OVCH1: variants seen among roughly 807,000 people sequenced by gnomAD.
OVCH1 encodes the protein ovochymase-1.
OVCH1 carries 139 observed loss-of-function variants against 138.4 expected under a neutral mutation model. That is an observed-to-expected ratio of 1.00 (90% CI 0.87 to 1.16). The LOEUF (loss-of-function observed/expected upper bound fraction) is 1.16, where lower values mean the gene tolerates loss of function less well. Ranked by LOEUF, OVCH1 falls within the 50% of genes most tolerant of loss-of-function variation. The pLI is 0.00. For missense variants in OVCH1, 1,367 were observed against 1,357.9 expected (o/e 1.01, Z -0.11); for synonymous variants, 453 against 467.8 (o/e 0.97, Z 0.41).
exon 16 of OVCH1, chr12:29,471,836 C>A: frequency 6.2e-7 from 1 of 1,612,566 alleles, no homozygotes; most frequent in Non-Finnish European, 8.5e-7. Context: ...AGAATCCACA[C>A]TGGGTTGATG....
At chr12:29,439,445 C>A in intron 25 of OVCH1, 1 of 1,475,404 alleles carries the variant, frequency 6.8e-7, no homozygotes, top group Non-Finnish European at 9.0e-7. Flanking sequence ...CTAAGATGGT[C>A]TGAGAAAAAC....
chr12:29,444,305 A>G, intron 23 of OVCH1, 25 bp from the exon 24 acceptor site: 4 of 1,606,750 alleles, frequency 2.5e-6, no homozygotes, highest in Non-Finnish European at 3.4e-6. Flanking sequence ...AGCAGAGAAA[A>G]TGAGAATAAA....
At chr12:29,477,431 T>C in exon 11 of OVCH1, 1 of 1,613,976 alleles carries the variant, frequency 6.2e-7, no homozygotes, top group Non-Finnish European at 8.5e-7. Flanking sequence ...ATGGCCTCAC[T>C]GGTCTCTGCC....
chr12:29,426,120 A>G (rs1941176094), downstream of OVCH1: 1 of 152,116 alleles, frequency 6.6e-6, no homozygotes, highest in Non-Finnish European at 1.5e-5. Context: ...TGAATTTGTA[A>G]TCATTTGACA....
intron 27 of OVCH1, among the ~76,000 whole-genome samples, chr12:29,432,500 G>A (rs1761749907): frequency 1.3e-5 from 2 of 152,168 alleles, no homozygotes. Flanking sequence ...TGGAGGAAGA[G>A]CTTGGAGGCA....
intron 22 of OVCH1, among the ~76,000 whole-genome samples, chr12:29,448,567 G>C (rs1301157659): frequency 1.3e-5 from 2 of 152,090 alleles, no homozygotes; most frequent in Non-Finnish European, 2.9e-5. Flanking sequence ...AGCTGATGGA[G>C]AGGCAGTCTT....
At chr12:29,421,176 T>C (rs1941098965) in intron 3 of OVCH1, among the ~76,000 whole-genome samples, 1 of 152,254 alleles carries the variant, frequency 6.6e-6, no homozygotes, top group African/African-American at 2.4e-5. Context: ...CCAACCAACC[T>C]AGGCTCTCCA....
rs147942261 is a variant in OVCH1, at chr12:29,437,110, G to A, written c.3264+2218C>T. ...GTGCATTTTTACAGAGTGCTCATTGGTGCGTTTACAAACCTTTAGCTAGAC... is the reference window on the plus strand; with the variant it reads ...GTGCATTTTTACAGAGTGCTCATTGATGCGTTTACAAACCTTTAGCTAGAC... On this transcript the variant is annotated intron_variant, in intron 26 of 27. Transcript: ENST00000318184. Among the ~76,000 whole-genome samples the A allele has an allele frequency of 4.1e-3, 629 of 152,212 alleles. 5 individuals are homozygous for A. The highest frequency in any genetic ancestry group is 0.014 in the African/African-American group (577 of 41,524).
chr12:29,477,390 A>G, exon 11 of OVCH1: 2 of 1,613,990 alleles, frequency 1.2e-6, no homozygotes, highest in Non-Finnish European at 1.7e-6. Flanking sequence ...AGCCACTGCC[A>G]CTGTCTTCTG....
At chr12:29,430,886 G>A (rs905795182) in intron 27 of OVCH1, 1 of 518,438 alleles carries the variant, frequency 1.9e-6, no homozygotes. Flanking sequence ...CCTTCTCCAT[G>A]TGGCCTTTTC....
chr12:29,480,730 A>G (rs1942902240), intron 8 of OVCH1, among the ~76,000 whole-genome samples: 1 of 114,966 alleles, frequency 8.7e-6, no homozygotes, highest in African/African-American at 3.1e-5. Context: ...CACCTACCAG[A>G]ATACAGAGAG....
intron 19 of OVCH1, among the ~76,000 whole-genome samples, chr12:29,456,848 C>T (rs1341266169): frequency 6.6e-6 from 1 of 152,194 alleles, no homozygotes; most frequent in East Asian, 1.9e-4. Context: ...TTGTATCAAA[C>T]CAAGCCTTAA....
intron 19 of OVCH1, 50 bp from the exon 20 acceptor site, chr12:29,455,455 C>A: frequency 6.5e-7 from 1 of 1,529,396 alleles, no homozygotes; most frequent in South Asian, 1.3e-5. Flanking sequence ...ATCTGAAGCT[C>A]CTGCTTTCAG....
At chr12:29,417,760 A>AGT (rs55835508) in intron 3 of OVCH1, among the ~76,000 whole-genome samples, 182 of 149,798 alleles carry the variant, frequency 1.2e-3, no homozygotes, top group African/African-American at 1.7e-3. Flanking sequence ...CTGGCCTACA[A>AGT]GTGTGTGTGT....
downstream of OVCH1, among the ~76,000 whole-genome samples, chr12:29,407,756 G>T (rs2135861017): frequency 6.6e-6 from 1 of 151,834 alleles, no homozygotes; most frequent in Non-Finnish European, 1.5e-5. Context: ...CTCCAGCTTT[G>T]TTCTTTTGGT....
Position 29,447,679 on chromosome 12 carries a change from G to A in OVCH1, c.2756-2276C>T, listed in dbSNP as rs149704060. Among the ~76,000 whole-genome samples, 6 of 151,982 alleles carry A rather than the reference G, an allele frequency of 3.9e-5. No homozygotes were observed. The East Asian group carries it at 1.2e-3, about 29-fold the overall frequency. ...AGCCAATGTAACAGACAATGACTGTGGGAAGGAATGGATGATGCTGCTTTC... is the reference window on the plus strand; with the variant it reads ...AGCCAATGTAACAGACAATGACTGTAGGAAGGAATGGATGATGCTGCTTTC... On this transcript the variant is annotated intron_variant, in intron 22 of 27. Coordinates refer to ENST00000318184, the Ensembl canonical transcript of OVCH1.
In OVCH1 at chr12:29,471,223, T is replaced by A. The variant is rs115673600; in HGVS notation, c.1856+579A>T. On this transcript the variant is annotated intron_variant, in intron 16 of 27. Coordinates refer to ENST00000318184, the Ensembl canonical transcript of OVCH1. ...TTCTTTAAACTACAAATATATTATG[T>A]ATATTATTTCATATAATGGAAGACT... 4.6e-3 allele frequency among the ~76,000 whole-genome samples: 705 copies of A among 152,328 alleles called. 6 individuals carry two copies. Among genetic ancestry groups the A allele is most frequent in the African/African-American group, 0.016 (673 of 41,576 alleles).
At chr12:29,444,371 T>G in intron 23 of OVCH1, 91 bp from the exon 24 acceptor site, 3 of 1,306,784 alleles carry the variant, frequency 2.3e-6, no homozygotes, top group Non-Finnish European at 2.1e-6. Context: ...AACAGCTCTC[T>G]TCCCTAATTG....
intron 7 of OVCH1, 105 bp from the exon 8 acceptor site, chr12:29,486,453 C>T (rs1943109979): frequency 1.1e-6 from 1 of 915,838 alleles, no homozygotes; most frequent in Admixed American, 2.8e-5. Flanking sequence ...ATAACTTCTA[C>T]TAAAATCAAT....
Sources: gnomAD v4.1 joint callset for allele counts (sites outside exome capture counted in the v4.1 genomes callset) on GRCh38, gnomAD v4.1.1 for gene constraint, MANE v1.5 for transcripts, NCBI Gene and HGNC (gene_info 2026-07-23, HGNC 2026-07-21) for gene names.